The following NEBL variants were observed in gnomAD, a reference collection of about 807,000 sequenced individuals.
NEBL encodes the protein nebulette.
A neutral mutation model predicts 140.2 loss-of-function variants in NEBL; 122 were observed. The observed-to-expected ratio is 0.87, with a 90% CI of 0.75 to 1.01. The LOEUF (loss-of-function observed/expected upper bound fraction) is 1.01. Among genes scored for constraint, NEBL ranks in the 50% least tolerant of loss-of-function variants. The pLI, the probability that NEBL is intolerant of heterozygous loss-of-function variation, is 0.00. For synonymous variants in NEBL, 436 were observed against 398.9 expected, an observed-to-expected ratio of 1.09 and a Z score of -1.11; for missense variants, 1,365 against 1,231.3, an observed-to-expected ratio of 1.11 and a Z score of -1.62.
At chr10:20,835,698 A>G in intron 13 of NEBL, 75 bp from the exon 14 acceptor site, 1 of 1,007,994 alleles carries the variant, frequency 9.9e-7, no homozygotes, top group Admixed American at 1.7e-5. Context: ...GATACTAAAA[A>G]AAAAATAGTT....
chr10:20,952,712 C>T (rs188282858), intron 4 of NEBL, among the ~76,000 whole-genome samples: 5 of 151,396 alleles, frequency 3.3e-5, no homozygotes, highest in South Asian at 4.2e-4. Context: ...TGAGGCCAGC[C>T]TGGTCAATAT....
intron 2 of NEBL, among the ~76,000 whole-genome samples, chr10:21,157,305 C>T (rs1840373195): frequency 6.6e-6 from 1 of 152,188 alleles, no homozygotes; most frequent in Middle Eastern, 3.4e-3. Flanking sequence ...TGCAGAGGCT[C>T]ATGTCTGTAA....
At chr10:20,799,370 G>T (rs1159295774) in intron 26 of NEBL, among the ~76,000 whole-genome samples, 1 of 152,090 alleles carries the variant, frequency 6.6e-6, no homozygotes, top group East Asian at 1.9e-4. Flanking sequence ...TGGCCAAGCT[G>T]GTCTTGAACT....
intron 2 of NEBL, among the ~76,000 whole-genome samples, chr10:20,891,551 T>C (rs997455161): frequency 2.0e-5 from 3 of 152,232 alleles, no homozygotes; most frequent in Non-Finnish European, 4.4e-5. Context: ...CAGTGGTATG[T>C]GCTTGTGGCT....
chr10:21,000,138 G>C (rs1017134681), intron 3 of NEBL, among the ~76,000 whole-genome samples: 1 of 144,116 alleles, frequency 6.9e-6, no homozygotes, highest in Non-Finnish European at 1.5e-5. Flanking sequence ...TGGCCACTAG[G>C]GCAAGGAAAA....
At chr10:21,074,384 T>C (rs1220246288) in intron 2 of NEBL, among the ~76,000 whole-genome samples, 2 of 152,172 alleles carry the variant, frequency 1.3e-5, no homozygotes. Flanking sequence ...GAAACTAATA[T>C]CATCCACTTC....
chr10:21,269,721 G>C (rs7898946), intron 1 of NEBL, among the ~76,000 whole-genome samples: 65,967 of 152,012 alleles, frequency 0.43, 15,365 homozygotes, highest in African/African-American at 0.59. Flanking sequence ...TGTTGTTTAT[G>C]GAGATTTGCT....
intron 21 of NEBL, among the ~76,000 whole-genome samples, chr10:20,816,735 C>T (rs187438028): frequency 7.1e-4 from 108 of 152,232 alleles, no homozygotes; most frequent in African/African-American, 2.2e-3. Flanking sequence ...GAACTGCATC[C>T]GTGAATTATT....
At chr10:21,091,079 G>A (rs183527392) in intron 2 of NEBL, among the ~76,000 whole-genome samples, 63 of 151,872 alleles carry the variant, frequency 4.1e-4, no homozygotes, top group African/African-American at 1.3e-3. Flanking sequence ...AACCTCTCTC[G>A]GATTCGTCTG....
At chr10:21,122,963 G>A (rs537811034) in intron 2 of NEBL, among the ~76,000 whole-genome samples, 1 of 152,236 alleles carries the variant, frequency 6.6e-6, no homozygotes, top group Non-Finnish European at 1.5e-5. Flanking sequence ...TTTCCTTGTA[G>A]GCTGCTGGGG....
At chr10:20,966,052 G>A (rs1836299133) in intron 3 of NEBL, among the ~76,000 whole-genome samples, 2 of 152,290 alleles carry the variant, frequency 1.3e-5, no homozygotes, top group South Asian at 2.1e-4. Context: ...CTTTGAAAAC[G>A]CATTCAAAGT....
intron 4 of NEBL, among the ~76,000 whole-genome samples, chr10:20,937,233 T>C (rs1834538200): frequency 2.0e-5 from 3 of 152,222 alleles, no homozygotes; most frequent in Admixed American, 2.0e-4. Context: ...CCCCTTGGTG[T>C]ACCCATCTCC....
chr10:20,951,475 TAA>T (rs10715595), intron 4 of NEBL, among the ~76,000 whole-genome samples: 3 of 147,584 alleles, frequency 2.0e-5, no homozygotes, highest in Admixed American at 2.0e-4. Flanking sequence ...GTTGCATACT[TAA>T]AAAAAAAAAG....
intron 16 of NEBL, among the ~76,000 whole-genome samples, chr10:20,830,095 A>C (rs926116995): frequency 1.3e-5 from 2 of 152,210 alleles, no homozygotes; most frequent in African/African-American, 4.8e-5. Context: ...CTTCAGGATC[A>C]TCCCAGCGGC....
chr10:20,868,672 A>C lies in NEBL; in HGVS notation c.676T>G (p.Ser226Ala). ...CATCACTAAAGCCTTACTTGACTAG[A>C]AAGTTTAGAAGCTTCCACGGCATGT... is the stretch of plus-strand genomic sequence containing the variant. ...FEHAVEASKL[S>A]SQIKYKEKFD... The change falls in exon 7 of 28, where the codon TCT (serine) becomes GCT (alanine). Residue 226 changes from serine to alanine, a missense_variant. Transcript: ENST00000377122. 1 of 1,604,272 alleles carries C rather than the reference A, an allele frequency of 6.2e-7. No individual in the cohort carries two copies.
chr10:21,070,734 A>T (rs999010470), intron 2 of NEBL, among the ~76,000 whole-genome samples: 1 of 152,238 alleles, frequency 6.6e-6, no homozygotes, highest in Non-Finnish European at 1.5e-5. Flanking sequence ...CTGTACAGAA[A>T]TCTAGGCTGT....
chr10:21,207,183 A>T (rs1389852693), intron 3 of NEBL, among the ~76,000 whole-genome samples: 1 of 151,988 alleles, frequency 6.6e-6, no homozygotes. Context: ...CATGTTGGCC[A>T]TGCTGGTCTC....
intron 3 of NEBL, among the ~76,000 whole-genome samples, chr10:21,237,658 G>A (rs1307591000): frequency 6.6e-6 from 1 of 151,428 alleles, no homozygotes; most frequent in Non-Finnish European, 1.5e-5. Context: ...CCAGGCTGGA[G>A]GGCAGTAGCA....
At chr10:21,179,327 C>T (rs981446277), upstream of NEBL, among the ~76,000 whole-genome samples, 1 of 152,188 alleles carries the variant, frequency 6.6e-6, no homozygotes, top group African/African-American at 2.4e-5. Flanking sequence ...CATTATGAGA[C>T]ATCAGTTTTC....
Sources: allele counts gnomAD v4.1 joint callset (sites outside exome capture counted in the v4.1 genomes callset), GRCh38; gene constraint gnomAD v4.1.1; transcripts MANE v1.5; gene names NCBI Gene and HGNC (gene_info 2026-07-23, HGNC 2026-07-21).